DPP6: variants seen among roughly 807,000 people sequenced by gnomAD.
DPP6 encodes the protein A-type potassium channel modulatory protein DPP6.
Under a neutral mutation model 122.6 loss-of-function variants are expected in DPP6, and 69 were observed. That is an observed-to-expected ratio of 0.56 (90% CI 0.46 to 0.69). DPP6 has a LOEUF of 0.69. Ranked by LOEUF, DPP6 falls within the 30% of genes least tolerant of loss-of-function variation. The pLI, the probability that DPP6 is intolerant of heterozygous loss-of-function variation, is 0.00. For synonymous variants in DPP6, 418 were observed against 433.1 expected, an observed-to-expected ratio of 0.97 and a Z score of 0.43; for missense variants, 928 against 1,116.9, an observed-to-expected ratio of 0.83 and a Z score of 2.41.
chr7:154,728,298 G>A (rs1353923052), intron 8 of DPP6, among the ~76,000 whole-genome samples: 1 of 152,138 alleles, frequency 6.6e-6, no homozygotes, highest in Non-Finnish European at 1.5e-5. Context: ...CTTGGGAAGG[G>A]GACAGTTGGA....
intron 6 of DPP6, among the ~76,000 whole-genome samples, chr7:154,664,146 T>C (rs1394253553): frequency 2.0e-5 from 3 of 150,126 alleles, no homozygotes; most frequent in African/African-American, 2.4e-5. Flanking sequence ...TTGGCCGTAG[T>C]GTTCATATAG....
chr7:154,675,943 A>G (rs183395986), intron 7 of DPP6, among the ~76,000 whole-genome samples: 116 of 152,354 alleles, frequency 7.6e-4, no homozygotes, highest in Middle Eastern at 3.4e-3. Flanking sequence ...AAAGCCATCC[A>G]GACAGGCCTC....
chr7:154,746,671 T>G (rs1843050977), intron 8 of DPP6, among the ~76,000 whole-genome samples: 1 of 152,202 alleles, frequency 6.6e-6, no homozygotes, highest in Non-Finnish European at 1.5e-5. Context: ...TTCACTCAAT[T>G]TTCAACTTCC....
chr7:154,221,529 T>C (rs907453375), intron 1 of DPP6, among the ~76,000 whole-genome samples: 4 of 152,132 alleles, frequency 2.6e-5, no homozygotes, highest in Admixed American at 2.6e-4. Flanking sequence ...GCCCCTCTCC[T>C]CCCCACCCAG....
At chr7:154,361,705 G>A (rs543871886) in intron 1 of DPP6, among the ~76,000 whole-genome samples, 6 of 152,030 alleles carry the variant, frequency 3.9e-5, no homozygotes, top group African/African-American at 7.2e-5. Flanking sequence ...ATAAAAGGAC[G>A]TAATTTAATC....
intron 16 of DPP6, among the ~76,000 whole-genome samples, chr7:154,828,298 G>A (rs368002685): frequency 1.3e-5 from 2 of 150,950 alleles, no homozygotes; most frequent in South Asian, 2.1e-4. Flanking sequence ...CTTTCCTTAA[G>A]TTTGAAGTTG....
chr7:154,704,226 G>C (rs1840697403), intron 7 of DPP6, among the ~76,000 whole-genome samples: 1 of 152,216 alleles, frequency 6.6e-6, no homozygotes, highest in Admixed American at 6.5e-5. Context: ...TAGAAGTAGA[G>C]CCTGAAGATG....
intron 1 of DPP6, among the ~76,000 whole-genome samples, chr7:153,949,548 G>C (rs2129020477): frequency 6.6e-6 from 1 of 152,294 alleles, no homozygotes; most frequent in East Asian, 1.9e-4. Context: ...AAGGTGGGTA[G>C]GGTAGACGTT....
At chr7:154,586,250 G>T (rs1281746200) in intron 5 of DPP6, among the ~76,000 whole-genome samples, 1 of 152,088 alleles carries the variant, frequency 6.6e-6, no homozygotes, top group Non-Finnish European at 1.5e-5. Context: ...CACTTTAGGA[G>T]GCTGAGGCAG....
intron 1 of DPP6, among the ~76,000 whole-genome samples, chr7:153,896,656 A>G (rs190707634): frequency 6.6e-6 from 1 of 152,222 alleles, no homozygotes; most frequent in African/African-American, 2.4e-5. Flanking sequence ...TTTTAAAAAT[A>G]ATTATCCAGA....
chr7:154,438,243 G>A (rs932527579), intron 1 of DPP6, among the ~76,000 whole-genome samples: 10 of 151,974 alleles, frequency 6.6e-5, no homozygotes, highest in East Asian at 1.9e-4. Flanking sequence ...CAAGGAGGGT[G>A]GATCACAAGG....
At position 154,755,613 on chromosome 7, in the gene DPP6, T is replaced by G. The variant is rs1040036681; in HGVS notation, c.884-13804T>G. Reference sequence around the variant, plus strand: ...TGGCGTGTGCTGGGTGCTCACCGACTGCTGGGTGTGGCCATCACCATCACC... The same window carrying G: ...TGGCGTGTGCTGGGTGCTCACCGACGGCTGGGTGTGGCCATCACCATCACC... On this transcript the variant is annotated intron_variant, in intron 8 of 25. Coordinates refer to ENST00000377770, the MANE Select transcript of DPP6 (RefSeq NM_130797.4). The surrounding 1 kb of genome is among the most constrained non-coding windows in gnomAD (Gnocchi z 4.7). Among the ~76,000 whole-genome samples, 1 of 152,240 alleles carries G rather than the reference T, an allele frequency of 6.6e-6. No individual in the cohort carries two copies. The highest frequency in any genetic ancestry group is 2.4e-5 in the African/African-American group (1 of 41,458).
At chr7:153,980,649 C>A (rs193231500) in intron 1 of DPP6, among the ~76,000 whole-genome samples, 10 of 152,090 alleles carry the variant, frequency 6.6e-5, no homozygotes, top group African/African-American at 1.9e-4. Context: ...AGGGTGTCAA[C>A]CTTAGACCTT....
chr7:153,949,774 A>G (rs868591043), intron 1 of DPP6, among the ~76,000 whole-genome samples: 1 of 152,222 alleles, frequency 6.6e-6, no homozygotes, highest in Non-Finnish European at 1.5e-5. Context: ...GGTGAGTAGA[A>G]GGTAGAAAAT....
chr7:154,876,581 G>T (rs540149835), intron 20 of DPP6, among the ~76,000 whole-genome samples: 1 of 152,162 alleles, frequency 6.6e-6, no homozygotes, highest in Non-Finnish European at 1.5e-5. Context: ...TGCCCTTCCC[G>T]GCTCTGAGGA....
chr7:154,646,505 C>T (rs1292336922), intron 6 of DPP6, among the ~76,000 whole-genome samples: 6 of 152,182 alleles, frequency 3.9e-5, no homozygotes, highest in Non-Finnish European at 7.3e-5. Context: ...GCCACAGCGT[C>T]AAAACCTCCT....
At chr7:153,991,352 A>C (rs146368850) in intron 1 of DPP6, among the ~76,000 whole-genome samples, 2,829 of 152,336 alleles carry the variant, frequency 0.019, 89 homozygotes, top group East Asian at 0.15. Flanking sequence ...AGAAACCTTC[A>C]AGTTTCTACT....
In DPP6 at chr7:154,672,845, G is replaced by C. The variant is rs375896796; in HGVS notation, c.762+3404G>C. 3.3e-5 allele frequency among the ~76,000 whole-genome samples: 5 copies of C among 152,304 alleles called. No homozygotes were observed. The East Asian group carries it at 9.6e-4, about 29-fold the overall frequency. On this transcript the variant is annotated intron_variant, in intron 7 of 25. Coordinates refer to ENST00000377770, the MANE Select transcript of DPP6 (RefSeq NM_130797.4). ...AGTCTTTGCAAACAGATAGTTTCTAGCACAATGACTCATCTCCCTTACTGC... is the reference window on the plus strand; with the variant it reads ...AGTCTTTGCAAACAGATAGTTTCTACCACAATGACTCATCTCCCTTACTGC...
intron 1 of DPP6, among the ~76,000 whole-genome samples, chr7:154,260,598 A>C (rs1802947256): frequency 6.6e-6 from 1 of 150,808 alleles, no homozygotes; most frequent in Non-Finnish European, 1.5e-5. Flanking sequence ...AATAGTCTCC[A>C]ATCTCACCTA....
Sources: allele counts gnomAD v4.1 joint callset (sites outside exome capture counted in the v4.1 genomes callset), GRCh38; gene constraint gnomAD v4.1.1; non-coding constraint Gnocchi (gnomAD v3.1); transcripts MANE v1.5; gene names NCBI Gene and HGNC (gene_info 2026-07-23, HGNC 2026-07-21).